C1QTNF3: variants seen among roughly 807,000 people sequenced by gnomAD.
C1QTNF3 encodes the protein C1q and TNF related 3, also known as complement C1q tumor necrosis factor-related protein 3.
Under a neutral mutation model 32.6 loss-of-function variants are expected in C1QTNF3, and 26 were observed. That is an observed-to-expected ratio of 0.80 (90% CI 0.58 to 1.11). The LOEUF is 1.11. Ranked by LOEUF, C1QTNF3 falls within the 50% of genes least tolerant of loss-of-function variation. The probability of loss-of-function intolerance (pLI) is 0.00; values close to 1 mark genes in which losing one functional copy is unlikely to be tolerated. For missense variants in C1QTNF3, 362 were observed against 398.2 expected (o/e 0.91, Z 0.77); for synonymous variants, 155 against 146.0 (o/e 1.06, Z -0.44).
intron 1 of C1QTNF3, 112 bp downstream of exon 1, chr5:34,042,711 G>T: frequency 9.1e-7 from 1 of 1,095,364 alleles, no homozygotes; most frequent in Non-Finnish European, 1.3e-6. Flanking sequence ...CGAACTTCTC[G>T]AAAGCATTCA....
the C1QTNF3 span, among the ~76,000 whole-genome samples, chr5:34,147,880 C>T: frequency 1.3e-5 from 2 of 152,278 alleles, no homozygotes; most frequent in Admixed American, 6.5e-5. Context: ...GGAACAGCTC[C>T]GGTCTACAGC....
At chr5:34,022,578 G>A (rs541384415) in intron 5 of C1QTNF3, among the ~76,000 whole-genome samples, 6 of 152,316 alleles carry the variant, frequency 3.9e-5, no homozygotes, top group Admixed American at 2.0e-4. Flanking sequence ...GTAAGTGTAG[G>A]AAGAAGAATT....
At chr5:34,212,931 T>C in the C1QTNF3 span, among the ~76,000 whole-genome samples, 1 of 152,020 alleles carries the variant, frequency 6.6e-6, no homozygotes, top group Admixed American at 6.6e-5. Flanking sequence ...TTATAAATCA[T>C]GCTGCTATAA....
At chr5:34,046,120 C>G (rs962659494), upstream of C1QTNF3, among the ~76,000 whole-genome samples, 2 of 152,198 alleles carry the variant, frequency 1.3e-5, no homozygotes, top group African/African-American at 4.8e-5. Flanking sequence ...AGTTAAATGA[C>G]TCAGAAGCTT....
chr5:34,212,869 T>C, the C1QTNF3 span, among the ~76,000 whole-genome samples: 19 of 150,966 alleles, frequency 1.3e-4, no homozygotes, highest in African/African-American at 4.4e-4. Context: ...GATCTAGAAC[T>C]AGAAATACCA....
At chr5:34,237,009 T>C in the C1QTNF3 span, among the ~76,000 whole-genome samples, 1 of 152,170 alleles carries the variant, frequency 6.6e-6, no homozygotes, top group African/African-American at 2.4e-5. Context: ...TTACTAGATA[T>C]AGTATCACAA....
chr5:34,023,947 G>T lies in C1QTNF3; in HGVS notation c.762C>A (p.Tyr254Ter). The T allele has an allele frequency of 6.2e-7, 1 of 1,614,082 alleles. No individual in the cohort carries two copies. The highest frequency in any genetic ancestry group is 8.5e-7 in the Non-Finnish European group (1 of 1,180,008). Residue 254 changes from tyrosine to a stop codon, truncating the protein, a stop_gained, in exon 5 of 6, where the codon TAC becomes TAA. Transcript: ENST00000382065. LOFTEE classifies it high-confidence loss of function. The part of the protein sequence containing the change: ...KHEDVEEVYV[Y>*]LMHNGNTVFS... ...AGACTGTGTTGCCATTGTGCATAAG[G>T]TACACATACACTTCCTCAACATCCT...
chr5:34,132,469 G>T, the C1QTNF3 span, among the ~76,000 whole-genome samples: 1 of 116,130 alleles, frequency 8.6e-6, no homozygotes, highest in East Asian at 2.6e-4. Flanking sequence ...ATATATATAT[G>T]GTGTAGCAGA....
chr5:34,215,309 A>C, the C1QTNF3 span, among the ~76,000 whole-genome samples: 4 of 152,256 alleles, frequency 2.6e-5, no homozygotes, highest in South Asian at 8.3e-4. Flanking sequence ...TACTTATATA[A>C]ACCCCAAAGA....
the C1QTNF3 span, among the ~76,000 whole-genome samples, chr5:34,075,302 G>A: frequency 6.6e-6 from 1 of 151,586 alleles, no homozygotes; most frequent in Non-Finnish European, 1.5e-5. Context: ...CAAAACTAGT[G>A]TCTAGGAAAT....
At chr5:34,225,205 C>T in the C1QTNF3 span, among the ~76,000 whole-genome samples, 11 of 151,800 alleles carry the variant, frequency 7.2e-5, no homozygotes, top group African/African-American at 2.7e-4. Flanking sequence ...GGTTAGGAGG[C>T]TATTGCAATA....
At chr5:34,138,260 T>A in the C1QTNF3 span, among the ~76,000 whole-genome samples, 1 of 152,200 alleles carries the variant, frequency 6.6e-6, no homozygotes, top group African/African-American at 2.4e-5. Flanking sequence ...TTAATAGATT[T>A]TGAATTAAAA....
At chr5:34,169,906 C>T in the C1QTNF3 span, among the ~76,000 whole-genome samples, 4 of 152,088 alleles carry the variant, frequency 2.6e-5, no homozygotes, top group East Asian at 1.9e-4. Flanking sequence ...AGAATTACCA[C>T]GCGATCCAGC....
the C1QTNF3 span, among the ~76,000 whole-genome samples, chr5:34,085,931 A>G: frequency 2.0e-5 from 3 of 151,192 alleles, no homozygotes; most frequent in Admixed American, 1.3e-4. Context: ...CAGCAATCCC[A>G]TTACTGGGTA....
chr5:34,243,814 G>A, the C1QTNF3 span, among the ~76,000 whole-genome samples: 1 of 151,720 alleles, frequency 6.6e-6, no homozygotes, highest in African/African-American at 2.4e-5. Flanking sequence ...AGGCTATGGG[G>A]GTGGGGGAGA....
chr5:34,035,725 T>G lies in C1QTNF3; in HGVS notation c.337A>C (p.Ser113Arg), dbSNP rs1561059439. Residue 113 changes from serine to arginine, a missense_variant, in exon 2 of 6, where the codon AGT (serine) becomes CGT (arginine). Coordinates refer to ENST00000382065, the MANE Select transcript of C1QTNF3 (RefSeq NM_181435.6). Reference sequence around the variant, plus strand: ...CTGTAGTCTCCATGACAACACTTACTGCAGTCTGGGGGTAGTCCTCCGGTT... The same window carrying G: ...CTGTAGTCTCCATGACAACACTTACGGCAGTCTGGGGGTAGTCCTCCGGTT... Reference protein sequence around the residue: ...PQTGGLPPDCSKCCHGDYSFR... With the variant: ...PQTGGLPPDCRKCCHGDYSFR... 1 of 1,612,792 alleles carries G rather than the reference T, an allele frequency of 6.2e-7. No homozygotes were observed. The highest frequency in any genetic ancestry group is 8.5e-7 in the Non-Finnish European group (1 of 1,179,694).
the C1QTNF3 span, among the ~76,000 whole-genome samples, chr5:34,073,513 CAAAG>C: frequency 2.6e-5 from 4 of 152,088 alleles, no homozygotes; most frequent in African/African-American, 4.8e-5. Flanking sequence ...ATAAAACGGA[CAAAG>C]AAAGATTCAG....
the C1QTNF3 span, among the ~76,000 whole-genome samples, chr5:34,127,611 G>A: frequency 3.4e-5 from 5 of 146,512 alleles, no homozygotes; most frequent in Admixed American, 6.9e-5. Context: ...TTTTTGAGAC[G>A]GAGTCTCGCT....
chr5:34,215,578 G>A, the C1QTNF3 span, among the ~76,000 whole-genome samples: 1 of 152,188 alleles, frequency 6.6e-6, no homozygotes, highest in Non-Finnish European at 1.5e-5. Flanking sequence ...TGCTGGTCTA[G>A]TTGAAAATCA....
Sources: gnomAD v4.1 joint callset for allele counts (sites outside exome capture counted in the v4.1 genomes callset) on GRCh38, gnomAD v4.1.1 for gene constraint, MANE v1.5 for transcripts, NCBI Gene and HGNC (gene_info 2026-07-23, HGNC 2026-07-21) for gene names.